The following CADM1 variants were observed in gnomAD, a reference collection of about 807,000 sequenced individuals.
CADM1 encodes TSLC-1.
A neutral mutation model predicts 53.1 loss-of-function variants in CADM1; 15 were observed. That is an observed-to-expected ratio of 0.28 (90% CI 0.19 to 0.44). The LOEUF is 0.44. Among genes scored for constraint, CADM1 ranks in the 20% least tolerant of loss-of-function variants. The pLI, the probability that CADM1 is intolerant of heterozygous loss-of-function variation, is 1.00. For synonymous variants in CADM1, 281 were observed against 243.0 expected (o/e 1.16, Z -1.45); for missense variants, 434 against 611.3 (o/e 0.71, Z 3.06).
At chr11:115,256,577 G>A (rs561456246) in intron 1 of CADM1, among the ~76,000 whole-genome samples, 1 of 152,160 alleles carries the variant, frequency 6.6e-6, no homozygotes, top group Non-Finnish European at 1.5e-5. Flanking sequence ...AGAGTGAAAG[G>A]CTCAGTGTGG....
chr11:115,241,445 A>T (rs1252986888), intron 1 of CADM1, among the ~76,000 whole-genome samples: 3 of 152,232 alleles, frequency 2.0e-5, no homozygotes, highest in Admixed American at 6.5e-5. Context: ...TATAGGCAGT[A>T]GATGTAATGG....
At chr11:115,375,043 C>A (rs932156859) in intron 1 of CADM1, among the ~76,000 whole-genome samples, 5 of 151,892 alleles carry the variant, frequency 3.3e-5, no homozygotes, top group African/African-American at 4.8e-5. Context: ...AAAAAAGAAT[C>A]CCTGTCTTTT....
At chr11:115,396,593 A>T (rs1349823059) in intron 1 of CADM1, among the ~76,000 whole-genome samples, 2 of 152,194 alleles carry the variant, frequency 1.3e-5, no homozygotes, top group Non-Finnish European at 2.9e-5. Context: ...CTGGAGATTA[A>T]CTTTAGAGTT....
intron 9 of CADM1, 21 bp downstream of exon 9, chr11:115,198,385 A>C (rs1940262202): frequency 6.3e-7 from 1 of 1,584,918 alleles, no homozygotes; most frequent in African/African-American, 1.3e-5. Flanking sequence ...GAAAGTAGAT[A>C]AACAGTAATG....
chr11:115,444,932 G>A lies in CADM1; in HGVS notation c.124+59339C>T, dbSNP rs552893648. Among the ~76,000 whole-genome samples the A allele has an allele frequency of 4.7e-4, 72 of 152,264 alleles. No homozygotes were observed. In the Middle Eastern group the frequency reaches 0.017, roughly 36 times the overall value. On this transcript the variant is annotated intron_variant, in intron 1 of 11. Transcript: ENST00000331581. ...TGTTGCTGTGACATATTTGCAGGGG[G>A]CAGGCACGTGGAGGGGTGAGGAGAG...
At chr11:115,452,840 C>A (rs1948604206) in intron 1 of CADM1, among the ~76,000 whole-genome samples, 2 of 152,062 alleles carry the variant, frequency 1.3e-5, no homozygotes, top group African/African-American at 4.8e-5. Flanking sequence ...TGGGTAAAAT[C>A]TATTATACTT....
chr11:115,313,568 G>T lies in CADM1; in HGVS notation c.125-73148C>A, dbSNP rs1183561296. 2.0e-5 allele frequency among the ~76,000 whole-genome samples: 3 copies of T among 152,092 alleles called. No individual in the cohort carries two copies. In the East Asian group the frequency reaches 5.8e-4, roughly 29 times the overall value. On this transcript the variant is annotated intron_variant, in intron 1 of 11. Transcript: ENST00000331581. ...AGCTGCTGGACAGCTAACTGACTGGGAAAAACCTAAGGTCCAAGAGACTGC... is the reference window on the plus strand; with the variant it reads ...AGCTGCTGGACAGCTAACTGACTGGTAAAAACCTAAGGTCCAAGAGACTGC...
intron 1 of CADM1, among the ~76,000 whole-genome samples, chr11:115,404,390 G>T (rs1489777330): frequency 1.1e-5 from 1 of 90,320 alleles, no homozygotes; most frequent in Non-Finnish European, 2.0e-5. Context: ...TATATATATG[G>T]CCCATTTGCA....
At chr11:115,402,722 G>T (rs1947193798) in intron 1 of CADM1, among the ~76,000 whole-genome samples, 1 of 151,908 alleles carries the variant, frequency 6.6e-6, no homozygotes, top group Non-Finnish European at 1.5e-5. Flanking sequence ...TCACTGATCA[G>T]ATTGGCAAAA....
chr11:115,429,116 A>C (rs1947973357), intron 1 of CADM1, among the ~76,000 whole-genome samples: 1 of 152,152 alleles, frequency 6.6e-6, no homozygotes, highest in Non-Finnish European at 1.5e-5. Flanking sequence ...CACTTCTAAT[A>C]ATCTTGGTTA....
intron 10 of CADM1, among the ~76,000 whole-genome samples, chr11:115,187,947 CT>C (rs1191395457): frequency 6.6e-6 from 1 of 152,118 alleles, no homozygotes; most frequent in Admixed American, 6.5e-5. Flanking sequence ...AGGACAAGAG[CT>C]GATAACATGT....
chr11:115,278,590 T>C (rs1019114030), intron 1 of CADM1, among the ~76,000 whole-genome samples: 1 of 152,132 alleles, frequency 6.6e-6, no homozygotes, highest in Non-Finnish European at 1.5e-5. Context: ...TAGAAGTCGA[T>C]GAGTATAGAG....
At chr11:115,369,026 T>TAAAAAAAAAATAAA (rs1946244593) in intron 1 of CADM1, among the ~76,000 whole-genome samples, 1 of 44,748 alleles carries the variant, frequency 2.2e-5, no homozygotes, top group Non-Finnish European at 4.1e-5. Flanking sequence ...AAAAAAAATC[T>TAAAAAAAAAATAAA]AAAAAAAAAA....
At chr11:115,253,479 C>G (rs1942673769) in intron 1 of CADM1, among the ~76,000 whole-genome samples, 1 of 152,162 alleles carries the variant, frequency 6.6e-6, no homozygotes, top group South Asian at 2.1e-4. Flanking sequence ...CATTTGACAT[C>G]AAACAAAGAA....
intron 1 of CADM1, among the ~76,000 whole-genome samples, chr11:115,287,893 A>G (rs755407074): frequency 2.6e-5 from 4 of 152,192 alleles, no homozygotes; most frequent in Non-Finnish European, 5.9e-5. Flanking sequence ...TTCAGGGAGC[A>G]TATATCCTAA....
intron 1 of CADM1, among the ~76,000 whole-genome samples, chr11:115,407,888 A>AG (rs1947358281): frequency 1.4e-5 from 2 of 147,838 alleles, no homozygotes; most frequent in Non-Finnish European, 3.0e-5. Context: ...AAAAAAAAAA[A>AG]AAAAAAAAAA....
At chr11:115,348,332 T>C (rs1367819595) in intron 1 of CADM1, among the ~76,000 whole-genome samples, 2 of 152,232 alleles carry the variant, frequency 1.3e-5, no homozygotes, top group Non-Finnish European at 2.9e-5. Context: ...TTAATCAAAT[T>C]TAATAGTAAT....
chr11:115,180,524 T>C (rs954787286), intron 10 of CADM1, among the ~76,000 whole-genome samples: 2 of 152,146 alleles, frequency 1.3e-5, no homozygotes, highest in Non-Finnish European at 2.9e-5. Flanking sequence ...TGAAAAGTGG[T>C]GGAGAGGAAT....
chr11:115,194,513 G>A (rs373643475), intron 9 of CADM1, among the ~76,000 whole-genome samples: 11 of 152,242 alleles, frequency 7.2e-5, no homozygotes, highest in South Asian at 2.1e-4. Context: ...TCCAGTTTGC[G>A]TCTTACCACA....
Sources: allele counts gnomAD v4.1 joint callset (sites outside exome capture counted in the v4.1 genomes callset), GRCh38; gene constraint gnomAD v4.1.1; transcripts MANE v1.5; gene names NCBI Gene and HGNC (gene_info 2026-07-23, HGNC 2026-07-21).